The following DNAJC25 variants were observed in gnomAD, a reference collection of about 807,000 sequenced individuals.
DNAJC25 encodes the protein dnaJ homolog subfamily C member 25.
Under a neutral mutation model 42.1 loss-of-function variants are expected in DNAJC25, and 26 were observed. That is an observed-to-expected ratio of 0.62 (90% CI 0.45 to 0.86). The LOEUF (loss-of-function observed/expected upper bound fraction) is 0.86. Ranked by LOEUF, DNAJC25 falls within the 40% of genes least tolerant of loss-of-function variation. The pLI is 0.00. For synonymous variants in DNAJC25, 189 were observed against 179.9 expected (o/e 1.05, Z -0.40); for missense variants, 404 against 459.4 (o/e 0.88, Z 1.10).
intron 1 of DNAJC25, among the ~76,000 whole-genome samples, chr9:111,635,602 G>A (rs1830351101): frequency 6.6e-6 from 1 of 152,190 alleles, no homozygotes; most frequent in Non-Finnish European, 1.5e-5. Flanking sequence ...GAAATAAGCA[G>A]ATGAGAGAAC....
Position 111,653,496 on chromosome 9 carries a change from A to C in DNAJC25, c.*274A>C. The C allele has an allele frequency of 4.2e-6, 1 of 240,596 alleles. No individual in the cohort carries two copies. Among genetic ancestry groups the C allele is most frequent in the African/African-American group, 2.3e-5 (1 of 44,056 alleles). 14.9% of individuals were successfully genotyped at this position (240,596 alleles called of 1,614,324 possible). A position where few individuals can be genotyped will look rare whatever the true frequency, so the allele number is the denominator to read the frequency against. On this transcript the variant is annotated 3_prime_UTR_variant, in exon 4 of 4. Transcript: ENST00000313525. Reference sequence around the variant, plus strand: ...TGCCATTTAAAATTTTTATATGTTTAGTTAAAAGATTTGACATGAAAATTT... The same window carrying C: ...TGCCATTTAAAATTTTTATATGTTTCGTTAAAAGATTTGACATGAAAATTT...
intron 1 of DNAJC25, among the ~76,000 whole-genome samples, chr9:111,642,603 C>CAATAAAAAAATAAATAAATA (rs201957943): frequency 1.8e-5 from 2 of 109,266 alleles, no homozygotes; most frequent in Non-Finnish European, 3.4e-5. Context: ...CAAGAATTAT[C>CAATAAAAAAATAAATAAATA]AATAAATAAA....
chr9:111,631,883 C>G lies in DNAJC25; in HGVS notation c.336+140C>G, dbSNP rs369591573. The G allele has an allele frequency of 6.5e-6, 9 of 1,379,728 alleles. No individual in the cohort carries two copies. The South Asian group carries it at 8.1e-5, about 12-fold the overall frequency. The allele number at this position is 1,379,728 out of a possible 1,614,324, so 85.5% of individuals were successfully genotyped here. On this transcript the variant is annotated intron_variant, in intron 1 of 3. Coordinates refer to ENST00000313525, the MANE Select transcript of DNAJC25 (RefSeq NM_001015882.3). ...ACCACCGCGACCTTTAAGATACTCA[C>G]GTTTCCCACGTGGCCCTGTGAAAGA...
At chr9:111,637,767 C>CTT (rs925367092) in intron 1 of DNAJC25, among the ~76,000 whole-genome samples, 1 of 152,206 alleles carries the variant, frequency 6.6e-6, no homozygotes, top group African/African-American at 2.4e-5. Flanking sequence ...CCTCCTGGAA[C>CTT]TTTGTGTCAT....
At chr9:111,650,458 A>T (rs148427305) in intron 3 of DNAJC25, among the ~76,000 whole-genome samples, 29 of 152,328 alleles carry the variant, frequency 1.9e-4, no homozygotes, top group African/African-American at 7.0e-4. Flanking sequence ...TAATGCCTCT[A>T]AACTTTCAGG....
chr9:111,653,239 A>T lies in DNAJC25; in HGVS notation c.*17A>T. 6.6e-7 allele frequency: 1 copy of T among 1,521,832 alleles called. No individual in the cohort carries two copies. 94.3% of individuals were successfully genotyped at this position (1,521,832 alleles called of 1,614,324 possible). ...GATGACTGAAGATTGATGGAATGCT[A>T]CTATGCCAAACCTTAATTGTGATAT... On this transcript the variant is annotated 3_prime_UTR_variant, in exon 4 of 4. Coordinates refer to ENST00000313525, the MANE Select transcript of DNAJC25 (RefSeq NM_001015882.3).
intron 1 of DNAJC25, among the ~76,000 whole-genome samples, chr9:111,639,479 A>C (rs886919736): frequency 6.6e-6 from 1 of 152,184 alleles, no homozygotes; most frequent in Non-Finnish European, 1.5e-5. Flanking sequence ...TAATATTCCA[A>C]ATCATGGAAG....
At chr9:111,642,609 ATAAATAAAT>A (rs776655320) in intron 1 of DNAJC25, among the ~76,000 whole-genome samples, 3 of 141,874 alleles carry the variant, frequency 2.1e-5, no homozygotes, top group Non-Finnish European at 4.5e-5. Context: ...TTATCAATAA[ATAAATAAAT>A]AAATAAATAA....
chr9:111,631,735 A>G lies in DNAJC25; in HGVS notation c.328A>G (p.Thr110Ala). The G allele has an allele frequency of 2.0e-6, 3 of 1,518,082 alleles. No homozygotes were observed. The highest frequency in any genetic ancestry group is 2.6e-6 in the Non-Finnish European group (3 of 1,138,890). The allele number at this position is 1,518,082 out of a possible 1,614,324, so 94.0% of individuals were successfully genotyped here. Residue 110 changes from threonine (T) to alanine (A), a missense_variant, in exon 1 of 4, where the codon ACA (threonine) becomes GCA (alanine). Thr to Ala is a moderately conservative substitution (Grantham distance 58). Coordinates refer to ENST00000313525, the MANE Select transcript of DNAJC25 (RefSeq NM_001015882.3). ...AFLLVATAYE[T>A]LKDEETRKDY... ...CCTGCTGGTGGCAACCGCCTACGAGACACTCAAGGTGAGGCCTGCGGGCGT... is the reference window on the plus strand; with the variant it reads ...CCTGCTGGTGGCAACCGCCTACGAGGCACTCAAGGTGAGGCCTGCGGGCGT...
At chr9:111,641,042 G>A (rs1830450526) in intron 1 of DNAJC25, among the ~76,000 whole-genome samples, 2 of 102,382 alleles carry the variant, frequency 2.0e-5, no homozygotes, top group African/African-American at 9.5e-5. Context: ...CCGTCCGGGA[G>A]GTGAGGGGCG....
intron 1 of DNAJC25, among the ~76,000 whole-genome samples, chr9:111,642,643 A>G (rs899322128): frequency 2.3e-5 from 3 of 130,848 alleles, no homozygotes; most frequent in Non-Finnish European, 5.1e-5. Context: ...ATAAATAAAT[A>G]AAAAATAAAT....
intron 2 of DNAJC25, among the ~76,000 whole-genome samples, chr9:111,648,725 A>G (rs1830605395): frequency 6.6e-6 from 1 of 152,196 alleles, no homozygotes; most frequent in Non-Finnish European, 1.5e-5. Context: ...GTAACTTTTA[A>G]AAAAATATTC....
Position 111,631,591 on chromosome 9 carries a change from AAGGCGGAGATCGCGCGG to A in DNAJC25, c.185_201del (p.Lys62SerfsTer12). On this transcript the variant is annotated frameshift_variant, in exon 1 of 4. Transcript: ENST00000313525. LOFTEE classifies it high-confidence loss of function. ...GCTGGGCGTGAGCCGCTCGGCGGGC[AAGGCGGAGATCGCGCGG>A]GCCTACCGCCAGCTGGCCCGGCGCT... 1 of 1,471,096 alleles carries A rather than the reference AAGGCGGAGATCGCGCGG, an allele frequency of 6.8e-7. No homozygotes were observed. The highest frequency in any genetic ancestry group is 8.9e-7 in the Non-Finnish European group (1 of 1,119,572). The allele number at this position is 1,471,096 out of a possible 1,614,324, so 91.1% of individuals were successfully genotyped here. A position where few individuals can be genotyped will look rare whatever the true frequency, so the allele number is the denominator to read the frequency against.
chr9:111,639,948 C>CTCCGTCTCCGTG (rs1554702294), intron 1 of DNAJC25, among the ~76,000 whole-genome samples: 11 of 149,518 alleles, frequency 7.4e-5, no homozygotes, highest in African/African-American at 2.7e-4. Flanking sequence ...CCGTCTCCGT[C>CTCCGTCTCCGTG]TCCGTCTCCG....
At position 111,649,884 on chromosome 9, in the gene DNAJC25, T is replaced by G; in HGVS notation, c.921T>G (p.Thr307=). ...GTCTAGAAGATCATCAGAAAGAAAC[T>G]TTTCTTAAACGAGAGCTCTGGATCA... The part of the protein sequence containing the change: ...FDSLEDHQKE[T]FLKRELWIKE... Residue 307 remains threonine (T), a synonymous_variant, in exon 3 of 4, where the codon ACT becomes ACG. Transcript: ENST00000313525. The G allele has an allele frequency of 1.9e-6, 3 of 1,597,418 alleles. No individual in the cohort carries two copies. The highest frequency in any genetic ancestry group is 1.1e-5 in the South Asian group (1 of 87,870).
At chr9:111,638,765 A>G (rs954830218) in intron 1 of DNAJC25, among the ~76,000 whole-genome samples, 3 of 152,044 alleles carry the variant, frequency 2.0e-5, no homozygotes, top group African/African-American at 7.2e-5. Context: ...TACTGCCAGA[A>G]TTGTCTTTCA....
In DNAJC25 at chr9:111,631,391, C is replaced by A. The variant is rs1011478268; in HGVS notation, c.-17C>A. 2.4e-6 allele frequency: 3 copies of A among 1,273,652 alleles called. No individual in the cohort carries two copies. Among genetic ancestry groups the A allele is most frequent in the Non-Finnish European group, 3.0e-6 (3 of 1,014,042 alleles). The allele number at this position is 1,273,652 out of a possible 1,614,324, so 78.9% of individuals were successfully genotyped here. A position where few individuals can be genotyped will look rare whatever the true frequency, so the allele number is the denominator to read the frequency against. ...TGCAGAATCGCTGGGGTGGCAGAGC[C>A]GCCAGCGAGGCTGGGGATGGGGGCG... On this transcript the variant is annotated 5_prime_UTR_variant, in exon 1 of 4. Coordinates refer to ENST00000313525, the MANE Select transcript of DNAJC25 (RefSeq NM_001015882.3).
At chr9:111,647,008 C>T in intron 1 of DNAJC25, 99 bp from the exon 2 acceptor site, 2 of 1,308,130 alleles carry the variant, frequency 1.5e-6, no homozygotes, top group African/African-American at 1.5e-5. Context: ...TCAGATTAAC[C>T]TTACATAATT....
intron 1 of DNAJC25, among the ~76,000 whole-genome samples, chr9:111,641,029 G>A (rs1830450205): frequency 2.0e-5 from 2 of 99,526 alleles, no homozygotes; most frequent in Non-Finnish European, 3.8e-5. Context: ...CCGGCCAGCC[G>A]CCCCGTCCGG....
Sources: gnomAD v4.1 joint callset for allele counts (sites outside exome capture counted in the v4.1 genomes callset) on GRCh38, gnomAD v4.1.1 for gene constraint, MANE v1.5 for transcripts, NCBI Gene and HGNC (gene_info 2026-07-23, HGNC 2026-07-21) for gene names.